The following GSG1L variants were observed in gnomAD, a reference collection of about 807,000 sequenced individuals.
GSG1L encodes the protein germ cell-specific gene 1-like protein.
Under a neutral mutation model 42.1 loss-of-function variants are expected in GSG1L, and 24 were observed. The observed-to-expected ratio is 0.57, with a 90% CI of 0.41 to 0.80. GSG1L has a LOEUF of 0.80. Ranked by LOEUF, GSG1L falls within the 30% of genes least tolerant of loss-of-function variation. The pLI is 0.00. For missense variants in GSG1L, 445 were observed against 472.2 expected (o/e 0.94, Z 0.53); for synonymous variants, 215 against 203.5 (o/e 1.06, Z -0.48).
intron 1 of GSG1L, among the ~76,000 whole-genome samples, chr16:27,972,774 G>A (rs1466284211): frequency 6.6e-6 from 1 of 152,200 alleles, no homozygotes; most frequent in African/African-American, 2.4e-5. Flanking sequence ...CATTGGTCAG[G>A]GTGGAGCCCA....
chr16:27,819,663 A>C (rs1203918405), intron 5 of GSG1L, among the ~76,000 whole-genome samples: 1 of 152,200 alleles, frequency 6.6e-6, no homozygotes, highest in Non-Finnish European at 1.5e-5. Flanking sequence ...GTGTATGATC[A>C]GGAGATGCTG....
intron 1 of GSG1L, among the ~76,000 whole-genome samples, chr16:28,013,640 G>C (rs115117517): frequency 3.3e-5 from 5 of 152,286 alleles, no homozygotes; most frequent in African/African-American, 1.2e-4. Context: ...AGGAAGATGC[G>C]AAGATGGACC....
intron 1 of GSG1L, among the ~76,000 whole-genome samples, chr16:28,027,215 C>T (rs2085909427): frequency 6.6e-6 from 1 of 152,184 alleles, no homozygotes; most frequent in South Asian, 2.1e-4. Context: ...CTGGGCAGGC[C>T]TAACCATCCC....
Position 28,040,403 on chromosome 16 carries a change from TC to T in GSG1L, c.349+22672del, listed in dbSNP as rs1364427176. Among the ~76,000 whole-genome samples the T allele has an allele frequency of 6.6e-6, 1 of 152,178 alleles. No individual in the cohort carries two copies. The highest frequency in any genetic ancestry group is 1.5e-5 in the Non-Finnish European group (1 of 68,042). Reference sequence around the variant, plus strand: ...TTTTCTTTCACTGTAATTCTCATGCTCTAAAACCATCTTATTTGCTTATCTG... The same window carrying T: ...TTTTCTTTCACTGTAATTCTCATGCTTAAAACCATCTTATTTGCTTATCTG... On this transcript the variant is annotated intron_variant, in intron 1 of 6. Transcript: ENST00000447459. The surrounding 1 kb of genome is among the most constrained non-coding windows in gnomAD (Gnocchi z 4.1).
chr16:27,938,479 A>G (rs946262123), intron 2 of GSG1L, among the ~76,000 whole-genome samples: 3 of 145,450 alleles, frequency 2.1e-5, no homozygotes, highest in African/African-American at 7.7e-5. Context: ...CATTGAGACA[A>G]ATGTCCCTGG....
chr16:27,976,799 C>A (rs925001513), intron 1 of GSG1L, among the ~76,000 whole-genome samples: 9 of 152,186 alleles, frequency 5.9e-5, no homozygotes, highest in Non-Finnish European at 1.3e-4. Context: ...TCTGAACCAT[C>A]CCCAGCCTTC....
chr16:27,946,620 AGAGAG>A (rs1596636326), intron 2 of GSG1L, among the ~76,000 whole-genome samples: 4 of 25,278 alleles, frequency 1.6e-4, no homozygotes, highest in East Asian at 2.0e-3. Flanking sequence ...AGAGAGAGAG[AGAGAG>A]AGAGAGAAAG....
At chr16:27,993,816 G>A (rs925074069) in intron 1 of GSG1L, among the ~76,000 whole-genome samples, 25 of 152,284 alleles carry the variant, frequency 1.6e-4, no homozygotes, top group Middle Eastern at 3.4e-3. Context: ...ATACATGTCC[G>A]CAATGGAAAA....
intron 1 of GSG1L, among the ~76,000 whole-genome samples, chr16:28,026,909 C>G (rs1430776165): frequency 6.6e-6 from 1 of 152,136 alleles, no homozygotes; most frequent in East Asian, 1.9e-4. Context: ...TGGTGAAACT[C>G]CATCTCTACT....
chr16:27,878,391 AC>A (rs1000856616), intron 3 of GSG1L, among the ~76,000 whole-genome samples: 2 of 152,128 alleles, frequency 1.3e-5, no homozygotes, highest in African/African-American at 4.8e-5. Context: ...CAAAGTAGGA[AC>A]CCCTTATGAA....
Position 27,884,656 on chromosome 16 carries a change from A to G in GSG1L, c.398-18T>C, listed in dbSNP as rs776828026. On this transcript the variant is annotated intron_variant, in intron 2 of 6. Transcript: ENST00000447459. This position sits in a 1 kb window ranked among gnomAD's most constrained non-coding sequence, Gnocchi z 4.4. ...CAGGACCCCTGTCCAACAGAGGCAG[A>G]GAGGCCGTGAGATGAGGGGCCACCC... 2.6e-6 allele frequency: 4 copies of G among 1,559,708 alleles called. No homozygotes were observed. Among genetic ancestry groups the G allele is most frequent in the Non-Finnish European group, 3.5e-6 (4 of 1,151,400 alleles).
intron 2 of GSG1L, among the ~76,000 whole-genome samples, chr16:27,933,648 C>CAAAAAA (rs55936452): frequency 4.2e-5 from 4 of 94,630 alleles, no homozygotes; most frequent in South Asian, 4.2e-4. Context: ...GACTTTGTCA[C>CAAAAAA]AAAAAAAAAA....
intron 2 of GSG1L, among the ~76,000 whole-genome samples, chr16:27,920,771 T>G (rs2084515270): frequency 6.6e-6 from 1 of 152,140 alleles, no homozygotes. Context: ...CTTCTCCTGC[T>G]GGTGAGGGGA....
At chr16:27,997,611 C>T (rs998616449) in intron 1 of GSG1L, among the ~76,000 whole-genome samples, 3 of 151,890 alleles carry the variant, frequency 2.0e-5, no homozygotes, top group East Asian at 1.9e-4. Context: ...AACACAGTCA[C>T]GGGTTGGGTT....
intron 6 of GSG1L, among the ~76,000 whole-genome samples, chr16:27,791,731 T>G (rs1482542535): frequency 6.6e-6 from 1 of 151,862 alleles, no homozygotes; most frequent in East Asian, 1.9e-4. Context: ...CATCCACTTA[T>G]CAAGCCACCA....
intron 3 of GSG1L, among the ~76,000 whole-genome samples, chr16:27,860,966 T>A (rs146245317): frequency 8.8e-4 from 134 of 152,324 alleles, no homozygotes; most frequent in African/African-American, 3.0e-3. Flanking sequence ...AAATAGGCAC[T>A]CTCTCCTGGG....
intron 1 of GSG1L, among the ~76,000 whole-genome samples, chr16:28,035,108 G>GCAAT (rs2086017436): frequency 1.3e-5 from 2 of 152,308 alleles, no homozygotes; most frequent in African/African-American, 4.8e-5. Context: ...CTGGGCTCAA[G>GCAAT]CAATCCTCCC....
intron 3 of GSG1L, among the ~76,000 whole-genome samples, chr16:27,865,635 A>G (rs12921574): frequency 3.4e-5 from 5 of 145,776 alleles, no homozygotes; most frequent in African/African-American, 1.0e-4. Flanking sequence ...ATATGTGTGT[A>G]TATATGTGTG....
chr16:27,848,125 C>G (rs2083464072), intron 3 of GSG1L, among the ~76,000 whole-genome samples: 1 of 152,138 alleles, frequency 6.6e-6, no homozygotes, highest in Admixed American at 6.5e-5. Context: ...TAGAACAGCA[C>G]TAGGCACAAA....
Sources: gnomAD v4.1 joint callset for allele counts (sites outside exome capture counted in the v4.1 genomes callset) on GRCh38, gnomAD v4.1.1 for gene constraint, Gnocchi (gnomAD v3.1) non-coding constraint, MANE v1.5 for transcripts, NCBI Gene and HGNC (gene_info 2026-07-23, HGNC 2026-07-21) for gene names.